C22orf31: variants seen among roughly 807,000 people sequenced by gnomAD.
The protein encoded by C22orf31 is uncharacterized protein C22orf31.
Under a neutral mutation model 15.0 loss-of-function variants are expected in C22orf31, and 11 were observed. The observed-to-expected ratio is 0.73, with a 90% confidence interval of 0.46 to 1.21. C22orf31 has a LOEUF of 1.21. Among genes scored for constraint, C22orf31 ranks in the 50% most tolerant of loss-of-function variants. C22orf31 has a pLI of 0.00. For missense variants in C22orf31, 340 were observed against 347.2 expected (o/e 0.98, Z 0.17); for synonymous variants, 132 against 133.3 (o/e 0.99, Z 0.07).
In C22orf31 at chr22:29,059,127, C is replaced by G; in HGVS notation, c.488G>C (p.Arg163Thr). ...KLTVRQDLED[R>T]YAEHVAATQA... The stretch of plus-strand genomic sequence containing the variant: ...GGTGGCAGCCACATGTTCAGCATAT[C>G]TGTCCTCAAGATCTTGGCGGACTGT... The change falls in exon 3 of 3, where the codon AGA (arginine) becomes ACA (threonine). Residue 163 changes from arginine to threonine, a missense_variant. Physicochemically the swap from Arg to Thr is moderately conservative, Grantham distance 71. Transcript: ENST00000216071. 1 of 1,614,094 alleles carries G rather than the reference C, an allele frequency of 6.2e-7. No individual in the cohort carries two copies. The highest frequency in any genetic ancestry group is 8.5e-7 in the Non-Finnish European group (1 of 1,179,982).
At chr22:29,068,713 C>A in the C22orf31 span, among the ~76,000 whole-genome samples, 1 of 151,218 alleles carries the variant, frequency 6.6e-6, no homozygotes, top group Non-Finnish European at 1.5e-5. Flanking sequence ...CCCGGCAAGA[C>A]CCTGTCTTTA....
upstream of C22orf31, among the ~76,000 whole-genome samples, chr22:29,062,067 G>A (rs1229000126): frequency 6.6e-6 from 1 of 152,118 alleles, no homozygotes; most frequent in African/African-American, 2.4e-5. Context: ...AGATTTTATA[G>A]TTAAATTATG....
chr22:29,059,081 A>G lies in C22orf31; in HGVS notation c.534T>C (p.Ser178=), dbSNP rs2037353486. 8 of 1,614,102 alleles carry G rather than the reference A, an allele frequency of 5.0e-6. No individual in the cohort carries two copies. Among genetic ancestry groups the G allele is most frequent in the Non-Finnish European group, 6.8e-6 (8 of 1,180,018 alleles). The change falls in exon 3 of 3, where the codon AGT becomes AGC. Residue 178 remains serine (S), a synonymous_variant. Transcript: ENST00000216071. ...CTCGGCCCTTCCAGGCTGCTGTCCC[A>G]CTGTCCTGGGGTAGCGCTTGGGTGG... The part of the protein sequence containing the change: ...VAATQALPQD[S]GTAAWKGRVL...
chr22:29,064,738 C>T, upstream of C22orf31, among the ~76,000 whole-genome samples: 1 of 114,902 alleles, frequency 8.7e-6, no homozygotes, highest in Non-Finnish European at 1.6e-5. Context: ...ATGAGGTCTC[C>T]CTGTGTTGCT....
the C22orf31 span, among the ~76,000 whole-genome samples, chr22:29,070,744 C>T: frequency 7.9e-5 from 12 of 152,224 alleles, no homozygotes; most frequent in Non-Finnish European, 1.3e-4. Flanking sequence ...GGGCGACAGA[C>T]GGAGGCCCTG....
In C22orf31 at chr22:29,059,151, G is replaced by A. The variant is rs148807209; in HGVS notation, c.464C>T (p.Thr155Ile). The A allele has an allele frequency of 1.4e-5, 22 of 1,611,192 alleles. No homozygotes were observed. Among genetic ancestry groups the A allele is most frequent in the Middle Eastern group, 3.3e-4 (2 of 6,040 alleles). The change falls in exon 3 of 3, where the codon ACA becomes ATA. Residue 155 changes from threonine (T) to isoleucine (I), a missense_variant. Transcript: ENST00000216071. ...SKESSKEKKLTVRQDLEDRYA... is the reference protein window; with the variant it reads ...SKESSKEKKLIVRQDLEDRYA... ...TCTGTCCTCAAGATCTTGGCGGACTGTTAGTTTTTTCTCCTTTGAACTTTC... is the reference window on the plus strand; with the variant it reads ...TCTGTCCTCAAGATCTTGGCGGACTATTAGTTTTTTCTCCTTTGAACTTTC...
At chr22:29,065,806 G>C (rs921929385), upstream of C22orf31, among the ~76,000 whole-genome samples, 34 of 152,336 alleles carry the variant, frequency 2.2e-4, no homozygotes, top group Middle Eastern at 3.4e-3. Context: ...TTGATCTGGG[G>C]AACTCGGGGT....
chr22:29,067,371 G>A, the C22orf31 span, among the ~76,000 whole-genome samples: 1 of 151,576 alleles, frequency 6.6e-6, no homozygotes, highest in African/African-American at 2.4e-5. Context: ...GGACCACTCA[G>A]TAAGCATTTG....
upstream of C22orf31, among the ~76,000 whole-genome samples, chr22:29,062,412 C>G (rs2037400074): frequency 6.6e-6 from 1 of 152,084 alleles, no homozygotes; most frequent in Non-Finnish European, 1.5e-5. Context: ...TACATGGTTT[C>G]TGGAATGTGG....
chr22:29,069,314 C>G, the C22orf31 span, among the ~76,000 whole-genome samples: 18 of 149,896 alleles, frequency 1.2e-4, no homozygotes, highest in Non-Finnish European at 1.9e-4. Flanking sequence ...AGGCCCCCTC[C>G]TCCAGGGCTC....
rs2037346328 is a variant in C22orf31, at chr22:29,058,820, C to T, written c.795G>A (p.Arg265=). 1.9e-6 allele frequency: 3 copies of T among 1,614,058 alleles called. No homozygotes were observed. The highest frequency in any genetic ancestry group is 2.7e-5 in the African/African-American group (2 of 74,924). Residue 265 remains arginine, a synonymous_variant, in exon 3 of 3, where the codon CGG becomes CGA. Coordinates refer to ENST00000216071, the MANE Select transcript of C22orf31 (RefSeq NM_015370.2). ...CACCTGGCTGCTTCCTGCCAGGGAA[C>T]CGGTCCCTCTGAGCACCTTCAGAGA... ...GAISEGAQRD[R]FPGRKQPGVH...
At chr22:29,068,713 C>T in the C22orf31 span, among the ~76,000 whole-genome samples, 1 of 151,218 alleles carries the variant, frequency 6.6e-6, no homozygotes, top group Non-Finnish European at 1.5e-5. Context: ...CCCGGCAAGA[C>T]CCTGTCTTTA....
At chr22:29,069,862 A>G in the C22orf31 span, among the ~76,000 whole-genome samples, 2 of 151,530 alleles carry the variant, frequency 1.3e-5, no homozygotes, top group South Asian at 2.1e-4. Flanking sequence ...TGCAACCTGT[A>G]TATCAACATA....
At position 29,059,156 on chromosome 22, in the gene C22orf31, T is replaced by C; in HGVS notation, c.459A>G (p.Lys153=). 1 of 1,610,304 alleles carries C rather than the reference T, an allele frequency of 6.2e-7. No individual in the cohort carries two copies. The highest frequency in any genetic ancestry group is 1.1e-5 in the South Asian group (1 of 90,578). ...CCTCAAGATCTTGGCGGACTGTTAG[T>C]TTTTTCTCCTTTGAACTTTCTTTAC... ...RESKESSKEK[K]LTVRQDLEDR... The change falls in exon 3 of 3, where the codon AAA becomes AAG. Residue 153 remains lysine (K), a synonymous_variant. Transcript: ENST00000216071.
At chr22:29,073,345 C>A in the C22orf31 span, 1 of 267,408 alleles carries the variant, frequency 3.7e-6, no homozygotes, top group Non-Finnish European at 6.3e-6. This position sits in a 1 kb window ranked among gnomAD's most constrained non-coding sequence, Gnocchi z 4.4. Flanking sequence ...GGCCCCTTCC[C>A]CTCGCCCCTA....
Position 29,060,450 on chromosome 22 carries a change from C to G in C22orf31, c.397G>C (p.Ala133Pro), listed in dbSNP as rs1184246059. 6.2e-6 allele frequency: 10 copies of G among 1,613,700 alleles called. No individual in the cohort carries two copies. The highest frequency in any genetic ancestry group is 8.5e-6 in the Non-Finnish European group (10 of 1,179,986). Residue 133 changes from alanine (A) to proline (P), a missense_variant, in exon 2 of 3, where the codon GCA becomes CCA. Physicochemically the swap from Ala to Pro is conservative, Grantham distance 27. Coordinates refer to ENST00000216071, the MANE Select transcript of C22orf31 (RefSeq NM_015370.2). ...NFISSKSKQP[A>P]GHRRPAGGIR... is the part of the protein sequence containing the mutation. ...CCTCCTGCAGGCCTCCTATGCCCTG[C>G]TGGCTGCTTGCTCTTGGAACTGATG...
At position 29,059,060 on chromosome 22, in the gene C22orf31, G is replaced by T. The variant is rs149467740; in HGVS notation, c.555C>A (p.Gly185=). The T allele has an allele frequency of 3.9e-4, 624 of 1,614,212 alleles. 1 individual carries two copies. The African/African-American group carries it at 7.2e-3, about 19-fold the overall frequency. The change falls in exon 3 of 3, where the codon GGC becomes GGA. Residue 185 remains glycine (G), a synonymous_variant. Transcript: ENST00000216071. ...TTTGGGTTTCAGGAAGCAACACTCG[G>T]CCCTTCCAGGCTGCTGTCCCACTGT... ...PQDSGTAAWK[G]RVLLPETQKR...
At chr22:29,073,171 C>G in the C22orf31 span, 2 of 1,168,684 alleles carry the variant, frequency 1.7e-6, no homozygotes, top group South Asian at 3.7e-5. The surrounding 1 kb of genome is among the most constrained non-coding windows in gnomAD (Gnocchi z 4.4). Flanking sequence ...CTCTCCGCCG[C>G]GGCGCTCACG....
At chr22:29,059,924 T>TG (rs1382855977) in intron 2 of C22orf31, 1 of 985,204 alleles carries the variant, frequency 1.0e-6, no homozygotes. Flanking sequence ...CCCCAAAATC[T>TG]GGGGCATTCT....
Sources: gnomAD v4.1 joint callset for allele counts (sites outside exome capture counted in the v4.1 genomes callset) on GRCh38, gnomAD v4.1.1 for gene constraint, Gnocchi (gnomAD v3.1) non-coding constraint, MANE v1.5 for transcripts, NCBI Gene and HGNC (gene_info 2026-07-23, HGNC 2026-07-21) for gene names.